Variants in RGS5 observed in about 807,000 individuals in gnomAD.
The protein encoded by RGS5 is regulator of G protein signaling 5, also known as regulator of G-protein signalling 5.
A neutral mutation model predicts 18.9 loss-of-function variants in RGS5; 20 were observed. The observed-to-expected ratio is 1.06, with a 90% CI of 0.74 to 1.54. The LOEUF is 1.54. Ranked by LOEUF, RGS5 falls within the 40% of genes most tolerant of loss-of-function variation. The pLI is 0.00. For synonymous variants in RGS5, 57 were observed against 76.2 expected (o/e 0.75, Z 1.31); for missense variants, 201 against 211.8 (o/e 0.95, Z 0.32).
chr1:163,229,070 C>T (rs745984796), intron 2 of RGS5, among the ~76,000 whole-genome samples: 1 of 152,198 alleles, frequency 6.6e-6, no homozygotes, highest in Non-Finnish European at 1.5e-5. Flanking sequence ...AAAGTCATTT[C>T]CAAATTTTTT....
At chr1:163,224,830 T>C (rs1647299600) in intron 2 of RGS5, among the ~76,000 whole-genome samples, 1 of 152,252 alleles carries the variant, frequency 6.6e-6, no homozygotes, top group African/African-American at 2.4e-5. Flanking sequence ...TAGCCATTTA[T>C]ATGTCTTCTT....
At chr1:163,207,619 T>C (rs1192634195), upstream of RGS5, among the ~76,000 whole-genome samples, 2 of 152,230 alleles carry the variant, frequency 1.3e-5, no homozygotes, top group Non-Finnish European at 2.9e-5. Context: ...TTTTCTTCCA[T>C]TAGTTGTATA....
chr1:163,255,660 A>G (rs1176385791), intron 2 of RGS5, among the ~76,000 whole-genome samples: 6 of 151,298 alleles, frequency 4.0e-5, no homozygotes, highest in Non-Finnish European at 8.8e-5. Flanking sequence ...CACAACCAAA[A>G]AAGAGAATTT....
chr1:163,209,175 A>G (rs1350181413), intron 1 of RGS5, among the ~76,000 whole-genome samples: 1 of 152,214 alleles, frequency 6.6e-6, no homozygotes. Context: ...TTTCTATTAA[A>G]TAACTGAGTG....
In RGS5 at chr1:163,161,987, A is replaced by T; in HGVS notation, c.156-11T>A. The stretch of plus-strand genomic sequence containing the variant: ...TCGTCCAGCGAGGTTCTACATCAAT[A>T]ATAAGGAGAGAAAAGGGGTATGGCG... On this transcript the variant is annotated splice_polypyrimidine_tract_variant and intron_variant, in intron 2 of 4. Coordinates refer to ENST00000313961, the MANE Select transcript of RGS5 (RefSeq NM_003617.4). The T allele has an allele frequency of 6.2e-7, 1 of 1,609,320 alleles. No homozygotes were observed. The highest frequency in any genetic ancestry group is 8.5e-7 in the Non-Finnish European group (1 of 1,175,842).
chr1:163,307,557 G>T (rs752340361), intron 1 of RGS5, among the ~76,000 whole-genome samples: 2 of 151,960 alleles, frequency 1.3e-5, no homozygotes, highest in South Asian at 4.1e-4. Context: ...AGAAGCGTGC[G>T]GATTAGGAAA....
At chr1:163,168,469 C>T in intron 1 of RGS5, 101 bp from the exon 2 acceptor site, 1 of 808,214 alleles carries the variant, frequency 1.2e-6, no homozygotes, top group Admixed American at 2.3e-5. Context: ...TGAACAAAAT[C>T]CCATTTCACT....
intron 2 of RGS5, among the ~76,000 whole-genome samples, chr1:163,229,055 G>A (rs539371049): frequency 5.3e-5 from 8 of 152,236 alleles, no homozygotes; most frequent in East Asian, 3.9e-4. Flanking sequence ...CCTGTTACCC[G>A]TTCCAAAGTC....
chr1:163,218,623 T>TA (rs1387656836), upstream of RGS5, among the ~76,000 whole-genome samples: 11 of 151,472 alleles, frequency 7.3e-5, no homozygotes, highest in Admixed American at 2.6e-4. Flanking sequence ...GAGAAAATAG[T>TA]AAAAAAAAAT....
intron 1 of RGS5, among the ~76,000 whole-genome samples, chr1:163,315,278 C>T (rs901665862): frequency 2.0e-5 from 3 of 152,000 alleles, no homozygotes; most frequent in Non-Finnish European, 2.9e-5. Context: ...GAAGTTAGGC[C>T]GGGTATGTTG....
rs181423971 is a variant in RGS5 at position 163,288,593 on chromosome 1, A to G, written c.-281+17640T>C. On this transcript the variant is annotated intron_variant, in intron 2 of 5. Transcript: ENST00000618415. ...TTTTTTCCTCTCTGATCATTTCTCA[A>G]TAAGTATGTGTTTGTGTATGTTTTA... Among the ~76,000 whole-genome samples, 32 of 152,270 alleles carry G rather than the reference A, an allele frequency of 2.1e-4. No individual in the cohort carries two copies. The East Asian group carries it at 5.6e-3, about 27-fold the overall frequency.
chr1:163,263,431 T>G (rs890396684), intron 2 of RGS5, among the ~76,000 whole-genome samples: 31 of 152,196 alleles, frequency 2.0e-4, no homozygotes, highest in Admixed American at 3.9e-4. Context: ...TAATGGGCAG[T>G]GCCCTCAGTT....
intron 1 of RGS5, among the ~76,000 whole-genome samples, chr1:163,312,988 T>C (rs2101651114): frequency 6.6e-6 from 1 of 152,324 alleles, no homozygotes; most frequent in Admixed American, 6.5e-5. Context: ...ACCTGCATGG[T>C]TTACCATTCT....
At chr1:163,268,835 C>T (rs1648640158) in intron 2 of RGS5, among the ~76,000 whole-genome samples, 1 of 152,154 alleles carries the variant, frequency 6.6e-6, no homozygotes, top group Non-Finnish European at 1.5e-5. Context: ...CCCTGCATGG[C>T]ATGGTGTATC....
chr1:163,288,634 G>A (rs911938985), intron 2 of RGS5, among the ~76,000 whole-genome samples: 2 of 151,954 alleles, frequency 1.3e-5, no homozygotes, highest in Non-Finnish European at 2.9e-5. Flanking sequence ...TTTTAGCAGG[G>A]TCAATAGTCT....
intron 2 of RGS5, among the ~76,000 whole-genome samples, chr1:163,223,236 A>G (rs1647268291): frequency 6.6e-6 from 1 of 152,196 alleles, no homozygotes. Flanking sequence ...GCCCATTACA[A>G]TAAAAGCACC....
chr1:163,254,921 T>C (rs1648228986), intron 2 of RGS5, among the ~76,000 whole-genome samples: 1 of 151,834 alleles, frequency 6.6e-6, no homozygotes, highest in Non-Finnish European at 1.5e-5. Context: ...TCCCCATTGC[T>C]TGTTTTTCTC....
chr1:163,163,880 C>A (rs1657917701), intron 2 of RGS5, among the ~76,000 whole-genome samples: 1 of 152,116 alleles, frequency 6.6e-6, no homozygotes, highest in African/African-American at 2.4e-5. Context: ...CTTTCCTGCC[C>A]CACTTTTCCT....
chr1:163,206,148 T>C (rs539043432), upstream of RGS5, among the ~76,000 whole-genome samples: 12 of 152,324 alleles, frequency 7.9e-5, no homozygotes, highest in African/African-American at 2.6e-4. Context: ...TGCCTTTTTT[T>C]ATTTAAAGAA....
Sources: allele counts gnomAD v4.1 joint callset (sites outside exome capture counted in the v4.1 genomes callset), GRCh38; gene constraint gnomAD v4.1.1; transcripts MANE v1.5; gene names NCBI Gene and HGNC (gene_info 2026-07-23, HGNC 2026-07-21).